ABCC5: variants seen among roughly 807,000 people sequenced by gnomAD.
ABCC5 encodes the protein ATP binding cassette subfamily C member 5.
ABCC5 carries 61 observed loss-of-function variants against 160.9 expected under a neutral mutation model. The observed-to-expected ratio is 0.38, with a 90% CI of 0.31 to 0.47. The LOEUF is 0.47. Ranked by LOEUF, ABCC5 falls within the 20% of genes least tolerant of loss-of-function variation. ABCC5 has a pLI of 0.99. For synonymous variants in ABCC5, 666 were observed against 700.6 expected (o/e 0.95, Z 0.78); for missense variants, 1,308 against 1,813.3 (o/e 0.72, Z 5.06).
intron 11 of ABCC5, 53 bp from the exon 12 acceptor site, chr3:183,967,819 C>T (rs1370129300): frequency 4.2e-6 from 6 of 1,419,992 alleles, no homozygotes; most frequent in Admixed American, 1.7e-5. Context: ...AACCACTCAT[C>T]GCTAAGGACT....
chr3:183,945,425 C>T lies in ABCC5; in HGVS notation c.3504+425G>A, dbSNP rs557278822. ...CAAACTATAGAAGCCTGGGTCCCAC[C>T]CCAATCCACTGCAACAGAATCCAGA... On this transcript the variant is annotated intron_variant, in intron 24 of 29. Transcript: ENST00000334444. 1.3e-3 allele frequency among the ~76,000 whole-genome samples: 204 copies of T among 152,224 alleles called. 2 individuals are homozygous for T. The highest frequency in any genetic ancestry group is 4.7e-3 in the African/African-American group (197 of 41,530).
At chr3:183,942,422 A>G (rs1295457334) in intron 25 of ABCC5, 6 of 548,164 alleles carry the variant, frequency 1.1e-5, no homozygotes, top group Non-Finnish European at 2.1e-5. Flanking sequence ...GAAGCCTAAC[A>G]AGATAGCTAC....
At position 183,963,472 on chromosome 3, in the gene ABCC5, A is replaced by G. The variant is rs1187650075; in HGVS notation, c.2148T>C (p.Asp716=). The change falls in exon 15 of 30, where the codon GAT becomes GAC. Residue 716 remains aspartate, a synonymous_variant. Coordinates refer to ENST00000334444, the MANE Select transcript of ABCC5 (RefSeq NM_005688.4). This position sits in a 1 kb window ranked among gnomAD's most constrained non-coding sequence, Gnocchi z 4.6. ...TGAAGATGTGGTTGCCCACATGGGC[A>G]TCTAAGGCACTGAGGGGGTCGTCCA... The part of the protein sequence containing the change: ...YILDDPLSAL[D]AHVGNHIFNS... 20 of 1,614,112 alleles carry G rather than the reference A, an allele frequency of 1.2e-5. No individual in the cohort carries two copies. Among genetic ancestry groups the G allele is most frequent in the Non-Finnish European group, 1.7e-5 (20 of 1,180,056 alleles).
intron 26 of ABCC5, among the ~76,000 whole-genome samples, chr3:183,931,324 C>CT (rs61449343): frequency 0.03 from 4,009 of 131,494 alleles, 147 homozygotes; most frequent in African/African-American, 0.062. Context: ...ACAGGCTTAA[C>CT]TTTTTTTTTT....
chr3:183,929,233 G>T (rs767634966), intron 26 of ABCC5, among the ~76,000 whole-genome samples: 7 of 152,022 alleles, frequency 4.6e-5, no homozygotes, highest in Non-Finnish European at 8.8e-5. Flanking sequence ...AGGAGTTCAG[G>T]ACCAGCCTGG....
chr3:183,966,734 G>A (rs936580475), intron 12 of ABCC5, among the ~76,000 whole-genome samples: 1 of 152,064 alleles, frequency 6.6e-6, no homozygotes, highest in Admixed American at 6.6e-5. Context: ...AGCAGAAGGT[G>A]GAGGTGATGC....
intron 2 of ABCC5, among the ~76,000 whole-genome samples, chr3:183,999,379 A>G (rs1236671685): frequency 2.0e-5 from 3 of 152,342 alleles, no homozygotes; most frequent in African/African-American, 7.2e-5. Flanking sequence ...CAATGAACCA[A>G]GAGAAAAGAC....
At position 183,942,716 on chromosome 3, in the gene ABCC5, C is replaced by A. The variant is rs1186025225; in HGVS notation, c.3694+11G>T. ...TCCAATGGATTCAAAGAAGGCTTTG[C>A]ACATCCTTACCTGATCCTGTCCGCC... On this transcript the variant is annotated intron_variant, in intron 25 of 29. Transcript: ENST00000334444. 2 of 1,609,212 alleles carry A rather than the reference C, an allele frequency of 1.2e-6. No individual in the cohort carries two copies. Among genetic ancestry groups the A allele is most frequent in the East Asian group, 2.2e-5 (1 of 44,774 alleles).
rs912908420 is a variant in ABCC5 at position 183,953,937 on chromosome 3, T to C, written c.2483-667A>G. Among the ~76,000 whole-genome samples the C allele has an allele frequency of 1.2e-4, 19 of 152,284 alleles. No homozygotes were observed. The East Asian group carries it at 2.5e-3, about 20-fold the overall frequency. ...ACAAAGAACTTCTCAACAGAAAGGG[T>C]GACAGGTGTGTCTGACTTCTGTTGG... On this transcript the variant is annotated intron_variant, in intron 17 of 29. Coordinates refer to ENST00000334444, the MANE Select transcript of ABCC5 (RefSeq NM_005688.4).
At chr3:184,002,411 AAG>A (rs201234707) in intron 2 of ABCC5, among the ~76,000 whole-genome samples, 5,299 of 151,846 alleles carry the variant, frequency 0.035, 294 homozygotes, top group African/African-American at 0.12. Context: ...AAAAAAAAAA[AAG>A]AGAAAAACAA....
intron 25 of ABCC5, among the ~76,000 whole-genome samples, chr3:183,941,524 T>C (rs1477745665): frequency 6.6e-6 from 1 of 152,106 alleles, no homozygotes; most frequent in Non-Finnish European, 1.5e-5. Flanking sequence ...CAAAAGGTTT[T>C]TTTTTTTTTA....
intron 27 of ABCC5, chr3:183,927,716 T>C: frequency 3.0e-6 from 3 of 985,442 alleles, no homozygotes; most frequent in South Asian, 4.7e-5. Context: ...TCCAGTCACA[T>C]AGTGGGCCTT....
chr3:183,949,714 G>T lies in ABCC5; in HGVS notation c.3227+39C>A. 1 of 1,607,298 alleles carries T rather than the reference G, an allele frequency of 6.2e-7. No homozygotes were observed. The highest frequency in any genetic ancestry group is 1.1e-5 in the South Asian group (1 of 90,416). ...GACAAGTATCAAACGCTGGGATGCT[G>T]ACTCCCCTTTGAGGCCTCTAGCCCC... On this transcript the variant is annotated intron_variant, in intron 22 of 29. Coordinates refer to ENST00000334444, the MANE Select transcript of ABCC5 (RefSeq NM_005688.4). This position sits in a 1 kb window ranked among gnomAD's most constrained non-coding sequence, Gnocchi z 4.2.
intron 24 of ABCC5, among the ~76,000 whole-genome samples, chr3:183,945,595 G>A (rs1714764464): frequency 6.6e-6 from 1 of 152,210 alleles, no homozygotes; most frequent in Admixed American, 6.5e-5. Context: ...CAGTTAAGCT[G>A]AACTGACAAG....
At chr3:183,981,007 C>T (rs1052845468) in intron 8 of ABCC5, among the ~76,000 whole-genome samples, 17 of 152,160 alleles carry the variant, frequency 1.1e-4, no homozygotes, top group African/African-American at 4.1e-4. Flanking sequence ...GCCACTGGCG[C>T]CTGGCCTGAA....
At chr3:183,967,560 A>ATTG in intron 12 of ABCC5, 135 bp downstream of exon 12, 1 of 769,184 alleles carries the variant, frequency 1.3e-6, no homozygotes, top group African/African-American at 1.7e-5. Flanking sequence ...ACTGCGGGGG[A>ATTG]TTGGGGGCAT....
chr3:183,939,412 G>A lies in ABCC5; in HGVS notation c.3695-1352C>T, dbSNP rs562399795. The stretch of plus-strand genomic sequence containing the variant: ...CGTATCATTGCACTCCAGCCTGGGC[G>A]ACAGAACGAGACTCTGTTTCAAACA... On this transcript the variant is annotated intron_variant, in intron 25 of 29. Transcript: ENST00000334444. 5.3e-5 allele frequency among the ~76,000 whole-genome samples: 8 copies of A among 152,232 alleles called. No individual in the cohort carries two copies. The East Asian group carries it at 1.5e-3, about 29-fold the overall frequency.
At chr3:183,952,142 C>CTAT in intron 18 of ABCC5, 139 bp from the exon 19 acceptor site, 1 of 586,468 alleles carries the variant, frequency 1.7e-6, no homozygotes, top group Non-Finnish European at 2.6e-6. Context: ...CTTTGTCCAC[C>CTAT]TCTTTTTTTT....
intron 17 of ABCC5, among the ~76,000 whole-genome samples, chr3:183,958,407 T>C (rs1716421243): frequency 6.6e-6 from 1 of 152,226 alleles, no homozygotes; most frequent in Non-Finnish European, 1.5e-5. Flanking sequence ...AGTGACTATG[T>C]ACAGAAGAAC....
Sources: gnomAD v4.1 joint callset for allele counts (sites outside exome capture counted in the v4.1 genomes callset) on GRCh38, gnomAD v4.1.1 for gene constraint, Gnocchi (gnomAD v3.1) non-coding constraint, MANE v1.5 for transcripts, NCBI Gene and HGNC (gene_info 2026-07-23, HGNC 2026-07-21) for gene names.